Variants in PRDM16 observed in about 807,000 individuals in gnomAD.
PRDM16 encodes the protein PR/SET domain 16, also known as histone-lysine N-methyltransferase PRDM16.
PRDM16 carries 23 observed loss-of-function variants against 110.6 expected under a neutral mutation model. The ratio of observed to expected loss-of-function variants is 0.21; its 90% CI spans 0.15 to 0.29. The LOEUF is 0.29. Ranked by LOEUF, PRDM16 falls within the 10% of genes least tolerant of loss-of-function variation. The probability of loss-of-function intolerance (pLI) is 1.00; values close to 1 mark genes in which losing one functional copy is unlikely to be tolerated. For synonymous variants in PRDM16, 799 were observed against 781.8 expected (o/e 1.02, Z -0.37); for missense variants, 1,615 against 1,794.3 (o/e 0.90, Z 1.81).
At chr1:3,296,106 C>T (rs1055699930) in intron 3 of PRDM16, among the ~76,000 whole-genome samples, 3 of 152,232 alleles carry the variant, frequency 2.0e-5, no homozygotes, top group African/African-American at 7.2e-5. Flanking sequence ...CGGTCATCTG[C>T]TCAGATCCAC....
chr1:3,352,021 C>T (rs1240111002), intron 3 of PRDM16, among the ~76,000 whole-genome samples: 1 of 152,046 alleles, frequency 6.6e-6, no homozygotes, highest in East Asian at 2.0e-4. Flanking sequence ...CACACTTTAC[C>T]TCCAGAGGAG....
At position 3,390,368 on chromosome 1, in the gene PRDM16, C is replaced by T. The variant is rs539617234; in HGVS notation, c.573+5082C>T. 5.3e-5 allele frequency among the ~76,000 whole-genome samples: 8 copies of T among 152,262 alleles called. No homozygotes were observed. In the South Asian group the frequency reaches 8.3e-4, roughly 16 times the overall value. On this transcript the variant is annotated intron_variant, in intron 4 of 16. Coordinates refer to ENST00000270722, the MANE Select transcript of PRDM16 (RefSeq NM_022114.4). This position sits in a 1 kb window ranked among gnomAD's most constrained non-coding sequence, Gnocchi z 5.0. ...GCGGGCCCCCCAGCGTACCACGGAA[C>T]GGCTGTAGGGCTCTCAAACGACCTG... is the stretch of plus-strand genomic sequence containing the variant.
intron 10 of PRDM16, among the ~76,000 whole-genome samples, chr1:3,416,013 G>A (rs996320568): frequency 3.9e-5 from 6 of 152,196 alleles, no homozygotes; most frequent in South Asian, 2.1e-4. Context: ...CTCATCACTC[G>A]TTCTCATCAG....
Position 3,350,290 on chromosome 1 carries a change from T to C in PRDM16, c.439-34862T>C, listed in dbSNP as rs1642456866. Among the ~76,000 whole-genome samples the C allele has an allele frequency of 6.6e-6, 1 of 152,150 alleles. No individual in the cohort carries two copies. Among genetic ancestry groups the C allele is most frequent in the African/African-American group, 2.4e-5 (1 of 41,436 alleles). On this transcript the variant is annotated intron_variant, in intron 3 of 16. Coordinates refer to ENST00000270722, the MANE Select transcript of PRDM16 (RefSeq NM_022114.4). The surrounding 1 kb of genome is among the most constrained non-coding windows in gnomAD (Gnocchi z 7.1). ...ACAGAGAGCTGTGATCACACCACTATACTCCAGCCTGGGCGAGAGAGTGAG... is the reference window on the plus strand; with the variant it reads ...ACAGAGAGCTGTGATCACACCACTACACTCCAGCCTGGGCGAGAGAGTGAG...
At chr1:3,194,336 C>A (rs943770989) in intron 2 of PRDM16, among the ~76,000 whole-genome samples, 2 of 152,210 alleles carry the variant, frequency 1.3e-5, no homozygotes, top group Non-Finnish European at 2.9e-5. Flanking sequence ...CCCCTTTCAC[C>A]CTGGAGCTGA....
chr1:3,084,046 C>T (rs564000882), intron 1 of PRDM16, among the ~76,000 whole-genome samples: 1 of 152,344 alleles, frequency 6.6e-6, no homozygotes, highest in African/African-American at 2.4e-5. Flanking sequence ...TTGGCAGACC[C>T]ACACGCTTGT....
chr1:3,138,438 G>C (rs1460753058), intron 1 of PRDM16, among the ~76,000 whole-genome samples: 1 of 152,236 alleles, frequency 6.6e-6, no homozygotes, highest in Non-Finnish European at 1.5e-5. Context: ...CTGTGCCCCC[G>C]GAGCCGGCGT....
intron 1 of PRDM16, among the ~76,000 whole-genome samples, chr1:3,155,304 G>A (rs1458914198): frequency 6.6e-6 from 1 of 152,232 alleles, no homozygotes; most frequent in Non-Finnish European, 1.5e-5. Flanking sequence ...AAATAAAATA[G>A]GGGAAAGAAA....
chr1:3,223,172 C>T (rs998220257), intron 2 of PRDM16, among the ~76,000 whole-genome samples: 38 of 126,526 alleles, frequency 3.0e-4, no homozygotes, highest in African/African-American at 1.1e-3. Context: ...TGCAGTGGTG[C>T]GATCTTGGCT....
intron 1 of PRDM16, among the ~76,000 whole-genome samples, chr1:3,094,768 G>A (rs962657186): frequency 6.6e-6 from 1 of 152,220 alleles, no homozygotes; most frequent in South Asian, 2.1e-4. Context: ...CAAGGCCTTC[G>A]GGTGCTTCCC....
Position 3,078,725 on chromosome 1 carries a change from A to G in PRDM16, c.37+9429A>G, listed in dbSNP as rs186944314. On this transcript the variant is annotated intron_variant, in intron 1 of 16. Coordinates refer to ENST00000270722, the MANE Select transcript of PRDM16 (RefSeq NM_022114.4). Reference sequence around the variant, plus strand: ...GCGGAGGGAGGAAATGACGGGGTGCATACGTGAGGAACGGGCTCTGAATGT... The same window carrying G: ...GCGGAGGGAGGAAATGACGGGGTGCGTACGTGAGGAACGGGCTCTGAATGT... Among the ~76,000 whole-genome samples, 238 of 152,344 alleles carry G rather than the reference A, an allele frequency of 1.6e-3. 1 individual carries two copies. The highest frequency in any genetic ancestry group is 5.5e-3 in the African/African-American group (227 of 41,572).
chr1:3,246,999 C>T lies in PRDM16; in HGVS notation c.438+2862C>T, dbSNP rs953033543. Among the ~76,000 whole-genome samples, 1 of 152,056 alleles carries T rather than the reference C, an allele frequency of 6.6e-6. No individual in the cohort carries two copies. Among genetic ancestry groups the T allele is most frequent in the African/African-American group, 2.4e-5 (1 of 41,378 alleles). ...ATAGGTGCGATGTGTGGATTGCTGC[C>T]GTAACTGTGCGCACCGCGGTGCTGT... On this transcript the variant is annotated intron_variant, in intron 3 of 16. Transcript: ENST00000270722. This position sits in a 1 kb window ranked among gnomAD's most constrained non-coding sequence, Gnocchi z 5.2.
intron 2 of PRDM16, among the ~76,000 whole-genome samples, chr1:3,230,601 G>A (rs1022173198): frequency 2.0e-5 from 3 of 152,220 alleles, no homozygotes; most frequent in Admixed American, 1.3e-4. Context: ...ATGAACAGCC[G>A]TTTCAGACTG....
intron 2 of PRDM16, among the ~76,000 whole-genome samples, chr1:3,233,500 G>A (rs1639466505): frequency 6.6e-6 from 1 of 152,192 alleles, no homozygotes; most frequent in African/African-American, 2.4e-5. Flanking sequence ...GGCTGAGCAT[G>A]GAACATCCCC....
At chr1:3,335,009 C>T (rs1022515603) in intron 3 of PRDM16, among the ~76,000 whole-genome samples, 2 of 152,202 alleles carry the variant, frequency 1.3e-5, no homozygotes, top group Non-Finnish European at 2.9e-5. Context: ...AGCCAGAGTC[C>T]CCAGCGCCAG....
intron 10 of PRDM16, 84 bp from the exon 11 acceptor site, chr1:3,417,744 T>C (rs1196895879): frequency 9.4e-6 from 11 of 1,165,112 alleles, no homozygotes; most frequent in East Asian, 2.3e-5. Context: ...AGATATGCTG[T>C]TGTACAGAAC....
chr1:3,137,714 T>C (rs916441522), intron 1 of PRDM16, among the ~76,000 whole-genome samples: 1 of 152,256 alleles, frequency 6.6e-6, no homozygotes, highest in African/African-American at 2.4e-5. Context: ...TGATGAAATA[T>C]TCCTGACAGT....
At chr1:3,114,428 C>G (rs1642894822) in intron 1 of PRDM16, among the ~76,000 whole-genome samples, 1 of 74,892 alleles carries the variant, frequency 1.3e-5, no homozygotes, top group Middle Eastern at 7.6e-3. Flanking sequence ...ATGCACACAC[C>G]AGGTGTAAAC....
chr1:3,209,133 T>C lies in PRDM16; in HGVS notation c.387+22659T>C, dbSNP rs777029911. 6.6e-6 allele frequency among the ~76,000 whole-genome samples: 1 copy of C among 152,170 alleles called. No homozygotes were observed. The highest frequency in any genetic ancestry group is 1.5e-5 in the Non-Finnish European group (1 of 68,024). Reference sequence around the variant, plus strand: ...TGGGGCAGGGTGGACAGCAGGTGGCTTTGAATATCCTAGTCAAAAATATGG... The same window carrying C: ...TGGGGCAGGGTGGACAGCAGGTGGCCTTGAATATCCTAGTCAAAAATATGG... On this transcript the variant is annotated intron_variant, in intron 2 of 16. Transcript: ENST00000270722. This position sits in a 1 kb window ranked among gnomAD's most constrained non-coding sequence, Gnocchi z 4.6.
Sources: allele counts gnomAD v4.1 joint callset (sites outside exome capture counted in the v4.1 genomes callset), GRCh38; gene constraint gnomAD v4.1.1; non-coding constraint Gnocchi (gnomAD v3.1); transcripts MANE v1.5; gene names NCBI Gene and HGNC (gene_info 2026-07-23, HGNC 2026-07-21).